ARHGEF10L: variants seen among roughly 807,000 people sequenced by gnomAD.
ARHGEF10L encodes the protein rho guanine nucleotide exchange factor 10-like protein.
A neutral mutation model predicts 141.2 loss-of-function variants in ARHGEF10L; 69 were observed. The observed-to-expected ratio is 0.49, with a 90% CI of 0.40 to 0.60. The LOEUF is 0.60. Ranked by LOEUF, ARHGEF10L falls within the 20% of genes least tolerant of loss-of-function variation. The pLI, the probability that ARHGEF10L is intolerant of heterozygous loss-of-function variation, is 0.00. For synonymous variants in ARHGEF10L, 711 were observed against 718.5 expected (o/e 0.99, Z 0.17); for missense variants, 1,482 against 1,734.3 (o/e 0.85, Z 2.58).
chr1:17,694,405 G>A (rs1422655177), intron 27 of ARHGEF10L: 1 of 158,782 alleles, frequency 6.3e-6, no homozygotes, highest in Non-Finnish European at 1.4e-5. Context: ...CCTGTTCTCA[G>A]CCACCGTGCT....
At chr1:17,553,583 A>T (rs906158534) in intron 1 of ARHGEF10L, among the ~76,000 whole-genome samples, 12 of 152,022 alleles carry the variant, frequency 7.9e-5, no homozygotes, top group Admixed American at 7.9e-4. Flanking sequence ...GGAGTTCAAG[A>T]CCAGCCTGGG....
Position 17,648,455 on chromosome 1 carries a change from G to C in ARHGEF10L, c.2273-99G>C, listed in dbSNP as rs544799527. 8.8e-6 allele frequency: 13 copies of C among 1,481,278 alleles called. No individual in the cohort carries two copies. In the African/African-American group the frequency reaches 1.2e-4, roughly 14 times the overall value. The allele number at this position is 1,481,278 out of a possible 1,614,324, so 91.8% of individuals were successfully genotyped here. A position where few individuals can be genotyped will look rare whatever the true frequency, so the allele number is the denominator to read the frequency against. ...AGTGACTGGATGGGGCCAGGCTTCT[G>C]GGGCCTGCAGTGGCTCCCTGGGGCT... On this transcript the variant is annotated intron_variant, in intron 21 of 28. Transcript: ENST00000361221.
intron 4 of ARHGEF10L, among the ~76,000 whole-genome samples, chr1:17,595,706 C>T (rs573963253): frequency 2.2e-4 from 33 of 152,098 alleles, no homozygotes; most frequent in Non-Finnish European, 4.1e-4. Flanking sequence ...GTGAGGCCCC[C>T]GTGCCTGGAG....
Position 17,619,245 on chromosome 1 carries a change from C to A in ARHGEF10L, c.836-94C>A. 7.8e-7 allele frequency: 1 copy of A among 1,280,430 alleles called. No homozygotes were observed. Among genetic ancestry groups the A allele is most frequent in the Non-Finnish European group, 1.1e-6 (1 of 904,812 alleles). 79.3% of individuals were successfully genotyped at this position (1,280,430 alleles called of 1,614,324 possible). A position where few individuals can be genotyped will look rare whatever the true frequency, so the allele number is the denominator to read the frequency against. On this transcript the variant is annotated intron_variant, in intron 9 of 28. Coordinates refer to ENST00000361221, the MANE Select transcript of ARHGEF10L (RefSeq NM_018125.4). The surrounding 1 kb of genome is among the most constrained non-coding windows in gnomAD (Gnocchi z 5.0). ...CTGCTTGCACCCTAGGACCTGGGTCCAAGGCTGGTCTAGGGGGGCTCTCAG... is the reference window on the plus strand; with the variant it reads ...CTGCTTGCACCCTAGGACCTGGGTCAAAGGCTGGTCTAGGGGGGCTCTCAG...
chr1:17,636,802 T>C lies in ARHGEF10L; in HGVS notation c.1928-1086T>C, dbSNP rs796791730. Among the ~76,000 whole-genome samples, 28 of 152,140 alleles carry C rather than the reference T, an allele frequency of 1.8e-4. 1 individual carries two copies. The highest frequency in any genetic ancestry group is 6.7e-4 in the African/African-American group (28 of 41,508). The stretch of plus-strand genomic sequence containing the variant: ...TAATTATCTAAATGAAAACCCCAAA[T>C]AAGGCTTCCCCTCCACTCCCCTGGG... On this transcript the variant is annotated intron_variant, in intron 18 of 28. Transcript: ENST00000361221.
chr1:17,660,294 G>A (rs532748545), intron 25 of ARHGEF10L, among the ~76,000 whole-genome samples: 1 of 152,324 alleles, frequency 6.6e-6, no homozygotes, highest in East Asian at 1.9e-4. Context: ...TAATGGGTAA[G>A]GGATGGGTTG....
chr1:17,577,265 C>T (rs754028929), intron 1 of ARHGEF10L, among the ~76,000 whole-genome samples: 5 of 152,156 alleles, frequency 3.3e-5, no homozygotes, highest in African/African-American at 4.8e-5. Flanking sequence ...AGGCTGGTTT[C>T]GAACTCCTGA....
chr1:17,538,095 A>T (rs185634203), upstream of ARHGEF10L, among the ~76,000 whole-genome samples: 21 of 152,198 alleles, frequency 1.4e-4, no homozygotes, highest in East Asian at 4.1e-3. Context: ...AAAAAAACAT[A>T]GCCAAGGAAG....
intron 7 of ARHGEF10L, among the ~76,000 whole-genome samples, chr1:17,611,112 C>G (rs951400717): frequency 4.6e-5 from 7 of 152,196 alleles, no homozygotes; most frequent in Non-Finnish European, 1.5e-5. Flanking sequence ...TGGTCTACCC[C>G]CTGCTCTGAT....
chr1:17,695,445 G>A (rs534025395), intron 28 of ARHGEF10L, among the ~76,000 whole-genome samples, 165 bp downstream of exon 28: 9 of 152,298 alleles, frequency 5.9e-5, no homozygotes, highest in South Asian at 2.1e-4. Flanking sequence ...GAACTGAATC[G>A]TCCTGGCCCC....
In ARHGEF10L at chr1:17,603,513, C is replaced by T. The variant is rs376889863; in HGVS notation, c.355C>T (p.Arg119Trp). 82 of 1,613,400 alleles carry T rather than the reference C, an allele frequency of 5.1e-5. No homozygotes were observed. The highest frequency in any genetic ancestry group is 2.1e-4 in the South Asian group (19 of 90,850). The change falls in exon 6 of 29, where the codon CGG becomes TGG. Residue 119 changes from arginine to tryptophan, a missense_variant. By Grantham distance (101) the Arg-to-Trp change is moderately radical. Transcript: ENST00000361221. This position sits in a 1 kb window ranked among gnomAD's most constrained non-coding sequence, Gnocchi z 4.8. ...TCTCCCCACTTCCCTCCCAGTTGAC[C>T]GGTTCACTTTCCCCGCCCTGGAAGA... ...WKRKSSRRID[R>W]FTFPALEEDV... is the part of the protein sequence containing the mutation.
At chr1:17,536,120 G>T (rs1169645465), upstream of ARHGEF10L, among the ~76,000 whole-genome samples, 1 of 152,186 alleles carries the variant, frequency 6.6e-6, no homozygotes, top group Non-Finnish European at 1.5e-5. Context: ...GTAGTCAGGG[G>T]CATTCCAGCC....
At chr1:17,582,109 C>A (rs753674117) in intron 2 of ARHGEF10L, among the ~76,000 whole-genome samples, 8 of 152,250 alleles carry the variant, frequency 5.3e-5, no homozygotes, top group African/African-American at 1.9e-4. Flanking sequence ...CTGAGTTTTC[C>A]TTCTGATAAG....
At chr1:17,682,240 G>A (rs890205251) in intron 26 of ARHGEF10L, among the ~76,000 whole-genome samples, 7 of 152,176 alleles carry the variant, frequency 4.6e-5, no homozygotes, top group African/African-American at 1.7e-4. Context: ...GAACTCTCGA[G>A]TTGGGGTTCG....
At chr1:17,602,476 T>C (rs1282486199) in intron 5 of ARHGEF10L, among the ~76,000 whole-genome samples, 1 of 151,910 alleles carries the variant, frequency 6.6e-6, no homozygotes, top group South Asian at 2.1e-4. Context: ...GTGGTGGGAG[T>C]GCCCTGGGGA....
rs1411586184 is a variant in ARHGEF10L at position 17,573,927 on chromosome 1, G to A, written c.-43-6626G>A. ...CCAAACTTGGCCCCTGCCCCAGTGA[G>A]GCAGGCCCCCTTCTCAGAGCTCCCC... On this transcript the variant is annotated intron_variant, in intron 1 of 28. Transcript: ENST00000361221. This position sits in a 1 kb window ranked among gnomAD's most constrained non-coding sequence, Gnocchi z 4.8. Among the ~76,000 whole-genome samples, 2 of 152,134 alleles carry A rather than the reference G, an allele frequency of 1.3e-5. No homozygotes were observed. Among genetic ancestry groups the A allele is most frequent in the Non-Finnish European group, 2.9e-5 (2 of 68,000 alleles).
intron 1 of ARHGEF10L, among the ~76,000 whole-genome samples, chr1:17,563,306 C>T (rs535451415): frequency 1.3e-5 from 2 of 151,634 alleles, no homozygotes; most frequent in South Asian, 4.2e-4. Context: ...GCCATCTTGG[C>T]TCACTGCACC....
intron 21 of ARHGEF10L, among the ~76,000 whole-genome samples, chr1:17,646,577 C>T (rs56024292): frequency 0.11 from 17,256 of 152,148 alleles, 1,119 homozygotes; most frequent in Non-Finnish European, 0.13. Context: ...CACACACGCA[C>T]GCGTGCACAC....
chr1:17,619,458 G>C lies in ARHGEF10L; in HGVS notation c.942+13G>C. The C allele has an allele frequency of 6.4e-7, 1 of 1,572,804 alleles. No homozygotes were observed. Among genetic ancestry groups the C allele is most frequent in the Non-Finnish European group, 8.6e-7 (1 of 1,158,454 alleles). ...GAGCCCTCAGCAGGTCTGTGGGGGAGTGGGGCAGGTGGGGGTCTGCAGGGG... is the reference window on the plus strand; with the variant it reads ...GAGCCCTCAGCAGGTCTGTGGGGGACTGGGGCAGGTGGGGGTCTGCAGGGG... On this transcript the variant is annotated intron_variant, in intron 10 of 28. Coordinates refer to ENST00000361221, the MANE Select transcript of ARHGEF10L (RefSeq NM_018125.4). The surrounding 1 kb of genome is among the most constrained non-coding windows in gnomAD (Gnocchi z 5.0).
Sources: gnomAD v4.1 joint callset for allele counts (sites outside exome capture counted in the v4.1 genomes callset) on GRCh38, gnomAD v4.1.1 for gene constraint, Gnocchi (gnomAD v3.1) non-coding constraint, MANE v1.5 for transcripts, NCBI Gene and HGNC (gene_info 2026-07-23, HGNC 2026-07-21) for gene names.